Variants in SDC2 observed in about 807,000 individuals in gnomAD.
SDC2 encodes syndecan-2.
SDC2 carries 13 observed loss-of-function variants against 22.2 expected under a neutral mutation model. The ratio of observed to expected loss-of-function variants is 0.59; its 90% CI spans 0.38 to 0.93. The LOEUF (loss-of-function observed/expected upper bound fraction) is 0.93. Ranked by LOEUF, SDC2 falls within the 40% of genes least tolerant of loss-of-function variation. The pLI, the probability that SDC2 is intolerant of heterozygous loss-of-function variation, is 0.00. For missense variants in SDC2, 235 were observed against 246.8 expected, an observed-to-expected ratio of 0.95 and a Z score of 0.32; for synonymous variants, 94 against 92.8, an observed-to-expected ratio of 1.01 and a Z score of -0.07.
chr8:96,566,212 T>C (rs190588990), intron 1 of SDC2, among the ~76,000 whole-genome samples: 1 of 152,242 alleles, frequency 6.6e-6, no homozygotes, highest in Non-Finnish European at 1.5e-5. Context: ...TCTTAGATGT[T>C]TCTCTTAAAG....
intron 1 of SDC2, chr8:96,537,507 C>T (rs1047727541): frequency 1.3e-5 from 2 of 152,132 alleles, no homozygotes; most frequent in Non-Finnish European, 2.9e-5. Flanking sequence ...GTGGAGTATT[C>T]TTCGATGGCA....
chr8:96,580,865 G>A (rs1035677336), intron 1 of SDC2, among the ~76,000 whole-genome samples: 3 of 152,166 alleles, frequency 2.0e-5, no homozygotes, highest in African/African-American at 7.2e-5. Context: ...TAGAGAGTAT[G>A]GGGATTTTTA....
chr8:96,530,738 A>T (rs1813648205), intron 1 of SDC2, among the ~76,000 whole-genome samples: 1 of 152,226 alleles, frequency 6.6e-6, no homozygotes, highest in African/African-American at 2.4e-5. Context: ...AGCATAGATA[A>T]CAAATGAAGA....
chr8:96,552,066 G>C (rs1814036935), intron 1 of SDC2, among the ~76,000 whole-genome samples: 1 of 152,194 alleles, frequency 6.6e-6, no homozygotes, highest in Non-Finnish European at 1.5e-5. Context: ...TTCTGCAACA[G>C]AACCAGCCAC....
chr8:96,596,758 C>T lies in SDC2; in HGVS notation c.172+3167C>T, dbSNP rs142508722. Among the ~76,000 whole-genome samples, 176 of 152,290 alleles carry T rather than the reference C, an allele frequency of 1.2e-3. 2 individuals are homozygous for T. The highest frequency in any genetic ancestry group is 2.2e-3 in the Non-Finnish European group (147 of 68,024). ...TGACGATAAAAGAATTGGGCATGAA[C>T]TCATAAGGACAAACGAAACAGTAAA... is the stretch of plus-strand genomic sequence containing the variant. On this transcript the variant is annotated intron_variant, in intron 2 of 4. Coordinates refer to ENST00000302190, the MANE Select transcript of SDC2 (RefSeq NM_002998.4).
At chr8:96,562,679 C>T (rs181752687) in intron 1 of SDC2, among the ~76,000 whole-genome samples, 6 of 152,342 alleles carry the variant, frequency 3.9e-5, no homozygotes, top group African/African-American at 1.2e-4. Flanking sequence ...ATTCCGTCGA[C>T]ACAATTAGAA....
At chr8:96,533,329 AAGCTGATTGGTCTGTTTTATAGAG>A (rs950023841) in intron 1 of SDC2, among the ~76,000 whole-genome samples, 1 of 152,088 alleles carries the variant, frequency 6.6e-6, no homozygotes, top group Non-Finnish European at 1.5e-5. Flanking sequence ...ATTTTACAGA[AAGCTGATTGGTCTGTTTTATAGAG>A]AGCTGATTGG....
chr8:96,502,401 T>A (rs1428398854), intron 1 of SDC2, among the ~76,000 whole-genome samples: 1 of 152,210 alleles, frequency 6.6e-6, no homozygotes, highest in Admixed American at 6.5e-5. Flanking sequence ...AGTATTTTTT[T>A]ATATATTTTC....
At chr8:96,609,284 A>C in intron 4 of SDC2, 101 bp from the exon 5 acceptor site, 1 of 948,580 alleles carries the variant, frequency 1.1e-6, no homozygotes, top group Non-Finnish European at 1.5e-6. Context: ...TTTTCAAATT[A>C]AGCCTTTTAT....
chr8:96,582,608 G>T (rs748142232), intron 1 of SDC2, among the ~76,000 whole-genome samples: 9 of 152,206 alleles, frequency 5.9e-5, no homozygotes, highest in Non-Finnish European at 1.3e-4. Context: ...TCAGGTCACT[G>T]TGTCCACTTA....
chr8:96,520,005 T>C (rs1025675737), intron 1 of SDC2, among the ~76,000 whole-genome samples: 1 of 152,342 alleles, frequency 6.6e-6, no homozygotes. Flanking sequence ...CTAATTTGGC[T>C]AATTTAGTAA....
At chr8:96,588,815 A>G (rs1018306300) in intron 1 of SDC2, among the ~76,000 whole-genome samples, 9 of 152,372 alleles carry the variant, frequency 5.9e-5, no homozygotes, top group African/African-American at 2.2e-4. Flanking sequence ...GGTTGAAAGC[A>G]TGTGCAGGAC....
intron 1 of SDC2, among the ~76,000 whole-genome samples, chr8:96,501,560 A>C (rs1813166316): frequency 6.6e-6 from 1 of 152,124 alleles, no homozygotes; most frequent in Non-Finnish European, 1.5e-5. Flanking sequence ...CGCCTGCCTC[A>C]GCCTCCCAAA....
intron 1 of SDC2, among the ~76,000 whole-genome samples, chr8:96,541,799 A>G (rs1045673401): frequency 6.6e-6 from 1 of 152,218 alleles, no homozygotes; most frequent in Non-Finnish European, 1.5e-5. Flanking sequence ...CAATGAGTAT[A>G]TTTAATGCAA....
chr8:96,508,545 T>A (rs1470174951), intron 1 of SDC2, among the ~76,000 whole-genome samples: 1 of 142,380 alleles, frequency 7.0e-6, no homozygotes, highest in Non-Finnish European at 1.6e-5. Flanking sequence ...ATAACACAAA[T>A]GTATTTGAGT....
intron 2 of SDC2, among the ~76,000 whole-genome samples, chr8:96,596,609 A>T (rs1814881452): frequency 6.6e-6 from 1 of 152,242 alleles, no homozygotes; most frequent in Admixed American, 6.5e-5. Context: ...AATCATTGTG[A>T]TACCCGGTGA....
chr8:96,504,784 A>G (rs536599369), intron 1 of SDC2, among the ~76,000 whole-genome samples: 13 of 152,092 alleles, frequency 8.5e-5, no homozygotes, highest in Admixed American at 7.2e-4. Context: ...ACTGGTTTTT[A>G]TTTTTATTTT....
intron 1 of SDC2, among the ~76,000 whole-genome samples, chr8:96,544,966 T>G (rs1354008812): frequency 1.3e-5 from 2 of 152,214 alleles, no homozygotes; most frequent in African/African-American, 4.8e-5. Flanking sequence ...GCATAGATGC[T>G]TTTTAGAATG....
intron 1 of SDC2, among the ~76,000 whole-genome samples, chr8:96,543,472 C>T (rs1229203448): frequency 1.3e-5 from 2 of 152,174 alleles, no homozygotes; most frequent in Admixed American, 6.5e-5. Flanking sequence ...GTTAAGGGAA[C>T]ATCATGTAAT....
Sources: gnomAD v4.1 joint callset for allele counts (sites outside exome capture counted in the v4.1 genomes callset) on GRCh38, gnomAD v4.1.1 for gene constraint, MANE v1.5 for transcripts, NCBI Gene and HGNC (gene_info 2026-07-23, HGNC 2026-07-21) for gene names.